The following CDK5RAP2 variants were observed in gnomAD, a reference collection of about 807,000 sequenced individuals.
CDK5RAP2 encodes the protein CDK5 regulatory subunit associated protein 2.
CDK5RAP2 carries 147 observed loss-of-function variants against 232.9 expected under a neutral mutation model. The observed-to-expected ratio is 0.63, with a 90% CI of 0.55 to 0.72. The LOEUF (loss-of-function observed/expected upper bound fraction) is 0.72, where lower values mean the gene tolerates loss of function less well. Among genes scored for constraint, CDK5RAP2 ranks in the 30% least tolerant of loss-of-function variants. The pLI is 0.00. For synonymous variants in CDK5RAP2, 833 were observed against 833.7 expected (o/e 1.00, Z 0.01); for missense variants, 2,195 against 2,231.5 (o/e 0.98, Z 0.33).
At chr9:120,562,122 G>A (rs2042483667) in intron 3 of CDK5RAP2, among the ~76,000 whole-genome samples, 1 of 152,106 alleles carries the variant, frequency 6.6e-6, no homozygotes, top group Non-Finnish European at 1.5e-5. Flanking sequence ...TATACACAAT[G>A]TGGCAACAAA....
intron 25 of CDK5RAP2, among the ~76,000 whole-genome samples, chr9:120,433,044 C>G (rs2035375411): frequency 6.6e-6 from 1 of 152,164 alleles, no homozygotes; most frequent in African/African-American, 2.4e-5. Flanking sequence ...TCCTGGGAAC[C>G]GGTATTAGCA....
intron 26 of CDK5RAP2, among the ~76,000 whole-genome samples, 185 bp from the exon 27 acceptor site, chr9:120,420,145 C>T (rs769466846): frequency 3.3e-5 from 5 of 152,178 alleles, no homozygotes; most frequent in Non-Finnish European, 5.9e-5. Context: ...AGGCTCAGTG[C>T]GCTTGAGTTT....
At chr9:120,499,033 C>T (rs558221639) in intron 12 of CDK5RAP2, among the ~76,000 whole-genome samples, 86 of 152,244 alleles carry the variant, frequency 5.6e-4, no homozygotes, top group African/African-American at 2.0e-3. Context: ...GCATGAGCCA[C>T]CACTCCCATC....
chr9:120,539,327 G>GA (rs1354808683), intron 5 of CDK5RAP2, among the ~76,000 whole-genome samples, 163 bp from the exon 6 acceptor site: 2 of 151,988 alleles, frequency 1.3e-5, no homozygotes, highest in East Asian at 3.8e-4. Context: ...ACACAGATAA[G>GA]AAAAAAATTA....
chr9:120,409,257 C>G lies in CDK5RAP2; in HGVS notation c.4474G>C (p.Glu1492Gln), dbSNP rs892522596. ...CTGGCATACTCCCGCTGAAGGTGCT[C>G]CAGGCTCACGGTCTTCCTGGAGAGG... is the stretch of plus-strand genomic sequence containing the variant. ...ESLSRKTVSLEHLQREYASVK... is the reference protein window; with the variant it reads ...ESLSRKTVSLQHLQREYASVK... Residue 1492 changes from glutamate to glutamine, a missense_variant, in exon 30 of 38, where the codon GAG becomes CAG. Physicochemically the swap from Glu to Gln is conservative, Grantham distance 29. Transcript: ENST00000349780. 6.2e-7 allele frequency: 1 copy of G among 1,613,684 alleles called. No homozygotes were observed. Among genetic ancestry groups the G allele is most frequent in the Non-Finnish European group, 8.5e-7 (1 of 1,179,868 alleles).
At chr9:120,479,980 T>C (rs780015383) in intron 14 of CDK5RAP2, among the ~76,000 whole-genome samples, 28 of 152,234 alleles carry the variant, frequency 1.8e-4, no homozygotes, top group Non-Finnish European at 4.0e-4. Context: ...AGGCTTCACA[T>C]TGGCAACTTT....
intron 36 of CDK5RAP2, among the ~76,000 whole-genome samples, chr9:120,393,237 T>C (rs2032156627): frequency 6.6e-6 from 1 of 152,178 alleles, no homozygotes; most frequent in Non-Finnish European, 1.5e-5. Context: ...CTAAGCTCTG[T>C]GTCTCCCCTA....
intron 16 of CDK5RAP2, among the ~76,000 whole-genome samples, chr9:120,470,577 G>A (rs1418783632): frequency 6.6e-6 from 1 of 152,092 alleles, no homozygotes; most frequent in African/African-American, 2.4e-5. Context: ...TTCTGTTTAG[G>A]GGAAAATGCA....
intron 26 of CDK5RAP2, among the ~76,000 whole-genome samples, chr9:120,420,181 T>C (rs1280548758): frequency 1.3e-5 from 2 of 152,152 alleles, no homozygotes; most frequent in African/African-American, 2.4e-5. Flanking sequence ...AAGCAGGGGA[T>C]TGTGCCTGTC....
intron 25 of CDK5RAP2, among the ~76,000 whole-genome samples, chr9:120,434,081 T>C (rs1025784653): frequency 1.1e-4 from 16 of 152,130 alleles, no homozygotes; most frequent in African/African-American, 3.1e-4. Context: ...ACACATAACA[T>C]GCGAGATGGT....
intron 4 of CDK5RAP2, among the ~76,000 whole-genome samples, chr9:120,546,023 A>G (rs1290163225): frequency 6.6e-6 from 1 of 152,202 alleles, no homozygotes. Flanking sequence ...AATTATGTAA[A>G]TGCTCCAAGC....
At chr9:120,439,375 G>C (rs1285429160) in intron 24 of CDK5RAP2, 24 bp downstream of exon 24, 1 of 1,597,170 alleles carries the variant, frequency 6.3e-7, no homozygotes, top group Non-Finnish European at 8.6e-7. Flanking sequence ...GCTTAAACGG[G>C]GAGACGGCAG....
In CDK5RAP2 at chr9:120,528,807, G is replaced by A; in HGVS notation, c.826-10C>T. On this transcript the variant is annotated splice_polypyrimidine_tract_variant and intron_variant, in intron 8 of 37. Coordinates refer to ENST00000349780, the MANE Select transcript of CDK5RAP2 (RefSeq NM_018249.6). ...GCTCCATTTGTGCAGCCTAAGAAAA[G>A]GCATTAATTGGTGTGAAGAAGGGAC... The A allele has an allele frequency of 6.2e-7, 1 of 1,604,786 alleles. No homozygotes were observed. The highest frequency in any genetic ancestry group is 8.5e-7 in the Non-Finnish European group (1 of 1,171,416).
At chr9:120,435,829 AAATATAGT>A (rs2035549210) in intron 25 of CDK5RAP2, among the ~76,000 whole-genome samples, 3 of 152,236 alleles carry the variant, frequency 2.0e-5, no homozygotes, top group Non-Finnish European at 4.4e-5. Flanking sequence ...AACAAACAAG[AAATATAGT>A]AATAAAAGGA....
chr9:120,449,112 C>A (rs993015511), intron 21 of CDK5RAP2, among the ~76,000 whole-genome samples: 30 of 152,318 alleles, frequency 2.0e-4, no homozygotes, highest in South Asian at 1.0e-3. Context: ...CTGAGTTATA[C>A]CCCCTTCCAC....
intron 7 of CDK5RAP2, chr9:120,532,547 C>T (rs1460036573): frequency 6.6e-6 from 1 of 152,328 alleles, no homozygotes. Flanking sequence ...ACTCTGGCTC[C>T]AGTTTTCTGC....
chr9:120,499,861 A>G (rs1234775064), intron 12 of CDK5RAP2, among the ~76,000 whole-genome samples: 1 of 152,202 alleles, frequency 6.6e-6, no homozygotes, highest in Non-Finnish European at 1.5e-5. Flanking sequence ...ATTTTTATAC[A>G]GTTTTTAAGT....
At chr9:120,556,337 C>T (rs2042226918) in intron 3 of CDK5RAP2, among the ~76,000 whole-genome samples, 2 of 151,944 alleles carry the variant, frequency 1.3e-5, no homozygotes, top group Admixed American at 1.3e-4. Flanking sequence ...CACTTGGACG[C>T]TAGTACATCT....
chr9:120,519,173 CAAAA>C (rs765274307), intron 11 of CDK5RAP2, among the ~76,000 whole-genome samples: 1 of 97,272 alleles, frequency 1.0e-5, no homozygotes, highest in African/African-American at 3.7e-5. Flanking sequence ...GACTCCGTCT[CAAAA>C]AAAAAAAAAG....
Sources: allele counts gnomAD v4.1 joint callset (sites outside exome capture counted in the v4.1 genomes callset), GRCh38; gene constraint gnomAD v4.1.1; transcripts MANE v1.5; gene names NCBI Gene and HGNC (gene_info 2026-07-23, HGNC 2026-07-21).